PGM5: variants seen among roughly 807,000 people sequenced by gnomAD.
PGM5 encodes the protein phosphoglucomutase 5, also known as phosphoglucomutase-like protein 5.
Under a neutral mutation model 59.2 loss-of-function variants are expected in PGM5, and 23 were observed. The observed-to-expected ratio is 0.39, with a 90% confidence interval of 0.28 to 0.55. The LOEUF is 0.55. Among genes scored for constraint, PGM5 ranks in the 20% least tolerant of loss-of-function variants. PGM5 has a pLI of 0.66. For missense variants in PGM5, 574 were observed against 748.3 expected (o/e 0.77, Z 2.72); for synonymous variants, 214 against 286.0 (o/e 0.75, Z 2.54).
rs1178492284 is a variant in PGM5 at position 68,376,829 on chromosome 9, CTT to C, written c.262-1368_262-1367del. Among the ~76,000 whole-genome samples the C allele has an allele frequency of 1.7e-3, 158 of 95,730 alleles. 5 individuals carry two copies. The Admixed American group carries it at 0.017, about 10-fold the overall frequency. The allele number at this position is 95,730 out of a possible 152,430, so 62.8% of individuals were successfully genotyped here. On this transcript the variant is annotated intron_variant, in intron 1 of 10. Transcript: ENST00000396396. ...TCTTTCTTTCTTTCTTTCTTTCTTTCTTTCTCTTTCTTTCTTTCTTTCTCTTT... is the reference window on the plus strand; with the variant it reads ...TCTTTCTTTCTTTCTTTCTTTCTTTCTCTCTTTCTTTCTTTCTTTCTCTTT...
At chr9:68,435,485 T>A (rs1322008528) in intron 6 of PGM5, among the ~76,000 whole-genome samples, 4 of 152,194 alleles carry the variant, frequency 2.6e-5, no homozygotes, top group Non-Finnish European at 5.9e-5. Context: ...AGATTTCCCT[T>A]TTCCAGACTT....
At chr9:68,439,966 T>A (rs1823500790) in intron 6 of PGM5, among the ~76,000 whole-genome samples, 1 of 152,140 alleles carries the variant, frequency 6.6e-6, no homozygotes, top group African/African-American at 2.4e-5. Context: ...AGAACTAAAC[T>A]GCACTGCAAA....
intron 7 of PGM5, 57 bp downstream of exon 7, chr9:68,465,265 C>CCAAACTGAGATCACA: frequency 8.9e-7 from 1 of 1,127,034 alleles, no homozygotes; most frequent in Non-Finnish European, 1.3e-6. Flanking sequence ...TTTGTGATCT[C>CCAAACTGAGATCACA]AGTTTGGAGA....
intron 10 of PGM5, among the ~76,000 whole-genome samples, chr9:68,524,776 T>C (rs1824947356): frequency 6.6e-6 from 1 of 152,334 alleles, no homozygotes; most frequent in South Asian, 2.1e-4. Context: ...TCTTTATCCT[T>C]GTCACTCTCA....
chr9:68,519,304 T>C (rs1411066553), intron 10 of PGM5, among the ~76,000 whole-genome samples: 1 of 152,134 alleles, frequency 6.6e-6, no homozygotes, highest in Non-Finnish European at 1.5e-5. Flanking sequence ...GTATAAAATA[T>C]TAATAATTGC....
At chr9:68,442,671 A>G (rs1025972114) in intron 6 of PGM5, among the ~76,000 whole-genome samples, 2 of 152,250 alleles carry the variant, frequency 1.3e-5, no homozygotes, top group East Asian at 3.8e-4. Context: ...AAAGCAATTC[A>G]TATGAGAAGG....
intron 10 of PGM5, 120 bp downstream of exon 10, chr9:68,499,481 G>A: frequency 1.9e-6 from 2 of 1,063,224 alleles, no homozygotes; most frequent in Middle Eastern, 2.8e-4. Flanking sequence ...AATTTCAGCT[G>A]GAGGACAAGC....
chr9:68,499,247 G>C lies in PGM5; in HGVS notation c.1500G>C (p.Ser500=). ...CTCAGGGCCTAAGGATCATTTTCTC[G>C]GATGCATCACGGCTCATCTTCCGGC... is the stretch of plus-strand genomic sequence containing the variant. ...TKKQGLRIIF[S]DASRLIFRLS... Residue 500 remains serine (S), a synonymous_variant, in exon 10 of 11, where the codon TCG becomes TCC. Transcript: ENST00000396396. The C allele has an allele frequency of 1.2e-6, 2 of 1,614,104 alleles. No individual in the cohort carries two copies. Among genetic ancestry groups the C allele is most frequent in the Non-Finnish European group, 1.7e-6 (2 of 1,180,014 alleles).
chr9:68,457,944 A>G (rs1165834643), intron 6 of PGM5, among the ~76,000 whole-genome samples: 2 of 152,206 alleles, frequency 1.3e-5, no homozygotes, highest in African/African-American at 4.8e-5. Flanking sequence ...ATAGCTGACA[A>G]TTAGCTCTTG....
chr9:68,483,424 G>A (rs1257047814), intron 8 of PGM5, among the ~76,000 whole-genome samples: 3 of 152,154 alleles, frequency 2.0e-5, no homozygotes, highest in African/African-American at 7.2e-5. Context: ...ACAAGGTAGA[G>A]GGAACACACA....
At chr9:68,404,866 T>C (rs1407742704) in intron 6 of PGM5, 1 of 152,204 alleles carries the variant, frequency 6.6e-6, no homozygotes, top group Non-Finnish European at 1.5e-5. Context: ...GGGGCCTAAA[T>C]AGCAAAAGGA....
At chr9:68,419,364 G>T (rs916198769) in intron 6 of PGM5, among the ~76,000 whole-genome samples, 3 of 152,156 alleles carry the variant, frequency 2.0e-5, no homozygotes, top group African/African-American at 7.2e-5. Context: ...ACACAAATAG[G>T]TTTAATGCTG....
chr9:68,479,933 A>G (rs1824168293), intron 8 of PGM5, among the ~76,000 whole-genome samples: 1 of 151,938 alleles, frequency 6.6e-6, no homozygotes, highest in African/African-American at 2.4e-5. Flanking sequence ...AAAAAAAAAA[A>G]AAAAAAAAGG....
intron 6 of PGM5, among the ~76,000 whole-genome samples, chr9:68,434,580 G>A (rs1443895267): frequency 2.7e-4 from 41 of 151,778 alleles, no homozygotes; most frequent in African/African-American, 4.8e-5. Context: ...GCCGAGGCAA[G>A]TGGATCACCC....
chr9:68,369,044 T>C (rs1554676960), intron 1 of PGM5, among the ~76,000 whole-genome samples: 1 of 152,240 alleles, frequency 6.6e-6, no homozygotes, highest in African/African-American at 2.4e-5. Flanking sequence ...TTTACATTGG[T>C]CAATAATGGT....
rs1173402108 is a variant in PGM5, at chr9:68,402,710, C to A, written c.1043+10237C>A. On this transcript the variant is annotated intron_variant, in intron 6 of 10. Transcript: ENST00000396396. ...TCAATCATATGCTTTGTGAAGCCAC[C>A]AGAGAAGTTTGGTGCTTGACAACGT... Among the ~76,000 whole-genome samples, 11 of 152,224 alleles carry A rather than the reference C, an allele frequency of 7.2e-5. No homozygotes were observed. The East Asian group carries it at 2.1e-3, about 29-fold the overall frequency.
chr9:68,405,538 C>T (rs1431223812), intron 6 of PGM5: 3 of 153,028 alleles, frequency 2.0e-5, no homozygotes, highest in Non-Finnish European at 2.9e-5. Flanking sequence ...TGCCTCTGAC[C>T]TTTGCATGTG....
Position 68,499,313 on chromosome 9 carries a change from C to G in PGM5, c.1566C>G (p.Tyr522Ter). The G allele has an allele frequency of 1.2e-6, 2 of 1,614,124 alleles. No individual in the cohort carries two copies. Among genetic ancestry groups the G allele is most frequent in the Non-Finnish European group, 1.7e-6 (2 of 1,180,018 alleles). The change falls in exon 10 of 11, where the codon TAC becomes TAG. Residue 522 changes from tyrosine to a stop codon, truncating the protein, a stop_gained. Transcript: ENST00000396396. LOFTEE classifies it high-confidence loss of function. ...SSGVRATLRLYAESYERDPSG... is the reference protein window; with the variant it reads ...SSGVRATLRL ...GTGTGCGGGCCACCCTCAGACTGTACGCAGAGAGCTACGAGAGGGATCCCA... is the reference window on the plus strand; with the variant it reads ...GTGTGCGGGCCACCCTCAGACTGTAGGCAGAGAGCTACGAGAGGGATCCCA...
chr9:68,357,832 T>A, intron 1 of PGM5: 1 of 235,256 alleles, frequency 4.3e-6, no homozygotes, highest in Admixed American at 5.2e-5. Flanking sequence ...ACATAGTCCC[T>A]CTGCCCCGTG....
Sources: allele counts gnomAD v4.1 joint callset (sites outside exome capture counted in the v4.1 genomes callset), GRCh38; gene constraint gnomAD v4.1.1; transcripts MANE v1.5; gene names NCBI Gene and HGNC (gene_info 2026-07-23, HGNC 2026-07-21).